The following ARHGAP18 variants were observed in gnomAD, a reference collection of about 807,000 sequenced individuals.
ARHGAP18 encodes the protein rho GTPase-activating protein 18.
A neutral mutation model predicts 86.2 loss-of-function variants in ARHGAP18; 67 were observed. The ratio of observed to expected loss-of-function variants is 0.78; its 90% CI spans 0.64 to 0.95. The LOEUF is 0.95. ARHGAP18 is among the 40% of genes least tolerant of loss of function. ARHGAP18 has a pLI of 0.00. For missense variants in ARHGAP18, 691 were observed against 780.4 expected (o/e 0.89, Z 1.37); for synonymous variants, 283 against 280.4 (o/e 1.01, Z -0.09).
chr6:129,589,701 C>G (rs932157858), intron 12 of ARHGAP18, among the ~76,000 whole-genome samples: 7 of 152,166 alleles, frequency 4.6e-5, no homozygotes, highest in African/African-American at 1.7e-4. Flanking sequence ...TCTATCGGTA[C>G]CAATATCTGT....
chr6:129,597,219 C>A (rs1188120444), intron 12 of ARHGAP18, among the ~76,000 whole-genome samples: 2 of 151,190 alleles, frequency 1.3e-5, no homozygotes, highest in African/African-American at 4.9e-5. Context: ...AATCTTGGCT[C>A]ACTGCCTCCC....
At chr6:129,676,463 G>A (rs1774232917) in intron 1 of ARHGAP18, among the ~76,000 whole-genome samples, 1 of 152,118 alleles carries the variant, frequency 6.6e-6, no homozygotes, top group Non-Finnish European at 1.5e-5. Context: ...AAAATCAACT[G>A]TAGGTGGTTT....
At chr6:129,584,474 C>T (rs1044874585) in intron 12 of ARHGAP18, among the ~76,000 whole-genome samples, 3 of 152,180 alleles carry the variant, frequency 2.0e-5, no homozygotes, top group Non-Finnish European at 2.9e-5. Context: ...CTGTGTGCTA[C>T]TGCAGTATGT....
chr6:129,614,748 ATTTTTTTT>A (rs10556070), intron 7 of ARHGAP18, among the ~76,000 whole-genome samples: 10 of 131,552 alleles, frequency 7.6e-5, no homozygotes, highest in East Asian at 4.4e-4. Flanking sequence ...GCAGTGACAG[ATTTTTTTT>A]TTTTTTTTTT....
At chr6:129,699,110 T>A (rs2006182) in intron 1 of ARHGAP18, among the ~76,000 whole-genome samples, 49,867 of 152,064 alleles carry the variant, frequency 0.33, 9,078 homozygotes, top group Non-Finnish European at 0.39. Flanking sequence ...GTGCTGGGAT[T>A]CACAGGCATG....
At chr6:129,698,674 G>A (rs562380870) in intron 1 of ARHGAP18, among the ~76,000 whole-genome samples, 3 of 146,658 alleles carry the variant, frequency 2.0e-5, no homozygotes, top group Middle Eastern at 3.6e-3. Flanking sequence ...CCCGAGTAGC[G>A]TGTACCACCA....
chr6:129,641,753 T>G, intron 2 of ARHGAP18, 63 bp downstream of exon 2: 2 of 1,416,942 alleles, frequency 1.4e-6, no homozygotes, highest in Non-Finnish European at 1.9e-6. Flanking sequence ...TCTTCCTTTC[T>G]ATGCATTCAT....
chr6:129,625,521 T>A (rs1789391011), intron 5 of ARHGAP18, among the ~76,000 whole-genome samples: 1 of 56,910 alleles, frequency 1.8e-5, no homozygotes, highest in African/African-American at 6.5e-5. Context: ...ATCATATATA[T>A]TATAACTATA....
chr6:129,602,108 G>T (rs1464279841), intron 10 of ARHGAP18, among the ~76,000 whole-genome samples: 2 of 152,096 alleles, frequency 1.3e-5, no homozygotes, highest in African/African-American at 2.4e-5. Context: ...TAAGGCTTCA[G>T]ATTTTTCTTT....
chr6:129,703,398 C>A (rs1168089255), intron 1 of ARHGAP18, among the ~76,000 whole-genome samples: 2 of 152,104 alleles, frequency 1.3e-5, no homozygotes, highest in Non-Finnish European at 2.9e-5. Context: ...TGAAAGCAAG[C>A]CCCACTTAGA....
intron 1 of ARHGAP18, among the ~76,000 whole-genome samples, chr6:129,675,537 C>T (rs17057574): frequency 6.6e-6 from 1 of 152,012 alleles, no homozygotes; most frequent in Non-Finnish European, 1.5e-5. Flanking sequence ...CTGGCAATGT[C>T]ATCTGGAAAG....
In ARHGAP18 at chr6:129,607,928, C is replaced by T; in HGVS notation, c.1247G>A (p.Ser416Asn). ...CTGAAAGGCTTTGAGATACTCCACA[C>T]TGAGCAGTGGCTGGGGCAACTCCCG... Reference protein sequence around the residue: ...FIRELPQPLLSVEYLKAFQAV... With the variant: ...FIRELPQPLLNVEYLKAFQAV... Residue 416 changes from serine to asparagine, a missense_variant, in exon 9 of 15, where the codon AGT becomes AAT. Coordinates refer to ENST00000368149, the MANE Select transcript of ARHGAP18 (RefSeq NM_033515.3). 5.6e-6 allele frequency: 9 copies of T among 1,613,530 alleles called. No individual in the cohort carries two copies. Among genetic ancestry groups the T allele is most frequent in the Non-Finnish European group, 5.9e-6 (7 of 1,179,776 alleles).
chr6:129,654,781 C>A (rs1773792469), intron 1 of ARHGAP18, among the ~76,000 whole-genome samples: 1 of 152,176 alleles, frequency 6.6e-6, no homozygotes. Flanking sequence ...TCCTCTCTGC[C>A]CAGTTCCTAT....
intron 5 of ARHGAP18, among the ~76,000 whole-genome samples, chr6:129,624,855 G>A (rs941385660): frequency 1.3e-5 from 2 of 149,470 alleles, no homozygotes; most frequent in Admixed American, 1.4e-4. Flanking sequence ...TGAGGCAGGA[G>A]AATTGCTTGT....
At chr6:129,621,204 A>T (rs1054180589) in intron 5 of ARHGAP18, among the ~76,000 whole-genome samples, 1 of 152,198 alleles carries the variant, frequency 6.6e-6, no homozygotes, top group Non-Finnish European at 1.5e-5. Flanking sequence ...TTTTAAGTGT[A>T]TGAAGGAGTT....
intron 4 of ARHGAP18, among the ~76,000 whole-genome samples, chr6:129,630,055 T>C (rs1773164833): frequency 6.6e-6 from 1 of 152,166 alleles, no homozygotes; most frequent in Non-Finnish European, 1.5e-5. Context: ...CAAGAGTTAG[T>C]GCCAAAAAGT....
chr6:129,648,696 AAATTT>A (rs753904330), intron 1 of ARHGAP18, among the ~76,000 whole-genome samples: 3 of 151,708 alleles, frequency 2.0e-5, no homozygotes, highest in Admixed American at 1.3e-4. Context: ...TGAAATTTTA[AAATTT>A]AATACTGTGT....
intron 1 of ARHGAP18, among the ~76,000 whole-genome samples, chr6:129,651,948 G>A (rs913329112): frequency 2.6e-5 from 4 of 152,144 alleles, no homozygotes; most frequent in African/African-American, 9.7e-5. Flanking sequence ...TGGCAGCCTC[G>A]CCTCTTCCAC....
intron 2 of ARHGAP18, among the ~76,000 whole-genome samples, chr6:129,639,631 A>G (rs1056784503): frequency 1.7e-4 from 26 of 152,236 alleles, no homozygotes; most frequent in Non-Finnish European, 3.4e-4. Context: ...CTGTCTTTCT[A>G]TACTATATAA....
Sources: allele counts gnomAD v4.1 joint callset (sites outside exome capture counted in the v4.1 genomes callset), GRCh38; gene constraint gnomAD v4.1.1; transcripts MANE v1.5; gene names NCBI Gene and HGNC (gene_info 2026-07-23, HGNC 2026-07-21).